The following FAM133B variants were observed in gnomAD, a reference collection of about 807,000 sequenced individuals.
The protein encoded by FAM133B is family with sequence similarity 133 member B.
In FAM133B, 25 loss-of-function variants were observed where a neutral mutation model predicts 46.4. That is an observed-to-expected ratio of 0.54 (90% CI 0.39 to 0.75). The LOEUF (loss-of-function observed/expected upper bound fraction) is 0.75, where lower values mean the gene tolerates loss of function less well. FAM133B is among the 30% of genes least tolerant of loss of function. The pLI is 0.00. For missense variants in FAM133B, 205 were observed against 277.6 expected (o/e 0.74, Z 1.86); for synonymous variants, 75 against 86.0 (o/e 0.87, Z 0.71).
At chr7:92,590,045 G>T (rs1233807058) in intron 1 of FAM133B, 3 of 618,238 alleles carry the variant, frequency 4.9e-6, no homozygotes, top group Non-Finnish European at 8.4e-6. Context: ...GCGACGAGGT[G>T]AGGGAAGAAA....
intron 1 of FAM133B, among the ~76,000 whole-genome samples, chr7:92,589,197 C>T (rs1795119263): frequency 6.6e-6 from 1 of 152,234 alleles, no homozygotes; most frequent in South Asian, 2.1e-4. Flanking sequence ...TTGTCACAGG[C>T]AAGCCCAGAA....
Position 92,575,798 on chromosome 7 carries a change from CTTCT to C in FAM133B, c.485_488del (p.Lys162SerfsTer107), listed in dbSNP as rs1458096778. 5.8e-6 allele frequency: 8 copies of C among 1,369,912 alleles called. No homozygotes were observed. Among genetic ancestry groups the C allele is most frequent in the Non-Finnish European group, 8.3e-6 (8 of 968,570 alleles). The allele number at this position is 1,369,912 out of a possible 1,614,324, so 84.9% of individuals were successfully genotyped here. ...TTTCTTTCTCAGTTCCATCTTTTGA[CTTCT>C]TTTTCTTTTTTAAACTATCCTAAAC... On this transcript the variant is annotated frameshift_variant, in exon 8 of 11. Transcript: ENST00000445716. LOFTEE classifies it high-confidence loss of function.
chr7:92,568,406 G>A (rs1794429556), intron 9 of FAM133B, among the ~76,000 whole-genome samples: 1 of 152,100 alleles, frequency 6.6e-6, no homozygotes, highest in South Asian at 2.1e-4. Flanking sequence ...TGCCCAGGCT[G>A]GAGTGTGATG....
intron 1 of FAM133B, among the ~76,000 whole-genome samples, chr7:92,589,523 T>C (rs1427044779): frequency 6.6e-6 from 1 of 152,300 alleles, no homozygotes; most frequent in East Asian, 1.9e-4. Context: ...ATCTGTAAGG[T>C]TGTAGATAAT....
At chr7:92,566,238 A>G (rs1357721333) in intron 9 of FAM133B, among the ~76,000 whole-genome samples, 177 bp from the exon 10 acceptor site, 2 of 152,228 alleles carry the variant, frequency 1.3e-5, no homozygotes, top group Non-Finnish European at 2.9e-5. Flanking sequence ...AATAAAAAAC[A>G]TAAAGGAAGG....
intron 8 of FAM133B, among the ~76,000 whole-genome samples, chr7:92,573,588 T>C (rs1343611883): frequency 6.6e-6 from 1 of 152,088 alleles, no homozygotes; most frequent in African/African-American, 2.4e-5. Context: ...TCTAATATTT[T>C]AAGTACTTAA....
chr7:92,589,911 A>T, intron 1 of FAM133B: 1 of 345,650 alleles, frequency 2.9e-6, no homozygotes, highest in Non-Finnish European at 5.4e-6. Context: ...CCAAGGGCCT[A>T]AGTCTTCGGA....
chr7:92,571,999 G>C (rs1292710612), intron 8 of FAM133B, among the ~76,000 whole-genome samples: 1 of 151,970 alleles, frequency 6.6e-6, no homozygotes, highest in African/African-American at 2.4e-5. Flanking sequence ...TTCTAATTGA[G>C]TATTTTATTA....
chr7:92,574,471 G>T (rs1057108056), intron 8 of FAM133B, among the ~76,000 whole-genome samples: 2 of 152,134 alleles, frequency 1.3e-5, no homozygotes, highest in Non-Finnish European at 2.9e-5. Context: ...TGAAAGTTTT[G>T]AAACGAGAGT....
At chr7:92,574,868 G>A (rs1317534972) in intron 8 of FAM133B, among the ~76,000 whole-genome samples, 1 of 150,266 alleles carries the variant, frequency 6.7e-6, no homozygotes. Context: ...TTGCGCCACT[G>A]CAGTCCGCAG....
intron 8 of FAM133B, among the ~76,000 whole-genome samples, chr7:92,571,570 T>C (rs957727656): frequency 2.0e-5 from 3 of 152,316 alleles, no homozygotes; most frequent in East Asian, 3.9e-4. Context: ...CTTTCTCTAG[T>C]TGCATTTTCA....
chr7:92,581,797 TG>T, intron 1 of FAM133B, 194 bp from the exon 2 acceptor site: 1 of 21,954 alleles, frequency 4.6e-5, no homozygotes, highest in Non-Finnish European at 6.2e-5. Flanking sequence ...GAGAAAATTG[TG>T]TGTGTGTGTG....
At chr7:92,584,047 C>CAAAAAAA (rs765172200) in intron 1 of FAM133B, among the ~76,000 whole-genome samples, 4 of 36,810 alleles carry the variant, frequency 1.1e-4, no homozygotes, top group Non-Finnish European at 1.0e-4. Context: ...AAGACTGTCT[C>CAAAAAAA]AAAAAAAAAA....
chr7:92,575,745 T>A, intron 8 of FAM133B, 26 bp downstream of exon 8: 1 of 1,279,732 alleles, frequency 7.8e-7, no homozygotes, highest in East Asian at 2.4e-5. Flanking sequence ...ACAGACTATC[T>A]TAAGGCAATG....
At chr7:92,588,129 C>T (rs1313949714) in intron 1 of FAM133B, among the ~76,000 whole-genome samples, 4 of 152,164 alleles carry the variant, frequency 2.6e-5, no homozygotes, top group Non-Finnish European at 4.4e-5. Flanking sequence ...CTCTTAATTT[C>T]TTGTTCTTAA....
chr7:92,573,511 C>A (rs1794600438), intron 8 of FAM133B, among the ~76,000 whole-genome samples: 1 of 150,936 alleles, frequency 6.6e-6, no homozygotes, highest in African/African-American at 2.4e-5. Flanking sequence ...CAATGTAAAT[C>A]ATTTATTAAT....
intron 10 of FAM133B, among the ~76,000 whole-genome samples, chr7:92,563,011 A>C (rs996564045): frequency 1.7e-4 from 26 of 152,218 alleles, no homozygotes; most frequent in African/African-American, 6.3e-4. Flanking sequence ...AGTGGATTGA[A>C]GGGAGCTGGA....
chr7:92,579,863 C>A (rs779779600), intron 2 of FAM133B, among the ~76,000 whole-genome samples: 2 of 152,106 alleles, frequency 1.3e-5, no homozygotes, highest in Admixed American at 6.5e-5. Context: ...TAATAAGGTA[C>A]CTAACATGCT....
chr7:92,562,392 A>G, intron 10 of FAM133B, 24 bp from the exon 11 acceptor site: 1 of 1,520,102 alleles, frequency 6.6e-7, no homozygotes, highest in East Asian at 2.5e-5. Context: ...TCCATGTTAG[A>G]CATTACTATA....
Sources: allele counts gnomAD v4.1 joint callset (sites outside exome capture counted in the v4.1 genomes callset), GRCh38; gene constraint gnomAD v4.1.1; transcripts MANE v1.5; gene names NCBI Gene and HGNC (gene_info 2026-07-23, HGNC 2026-07-21).